TUBB4A: variants seen among roughly 807,000 people sequenced by gnomAD.
TUBB4A encodes the protein tubulin beta 4A class IVa.
A neutral mutation model predicts 35.1 loss-of-function variants in TUBB4A; 13 were observed. That is an observed-to-expected ratio of 0.37 (90% CI 0.24 to 0.59). The LOEUF (loss-of-function observed/expected upper bound fraction) is 0.59, where lower values mean the gene tolerates loss of function less well. Among genes scored for constraint, TUBB4A ranks in the 20% least tolerant of loss-of-function variants. The pLI, the probability that TUBB4A is intolerant of heterozygous loss-of-function variation, is 0.71. For missense variants in TUBB4A, 299 were observed against 647.2 expected, an observed-to-expected ratio of 0.46 and a Z score of 5.84; for synonymous variants, 279 against 272.4, an observed-to-expected ratio of 1.02 and a Z score of -0.24.
intron 3 of TUBB4A, among the ~76,000 whole-genome samples, chr19:6,499,949 G>A (rs571352159): frequency 4.6e-5 from 7 of 152,080 alleles, no homozygotes; most frequent in African/African-American, 1.7e-4. Flanking sequence ...GTGCCACCAT[G>A]CCTGGCTAAT....
chr19:6,502,493 G>T, upstream of TUBB4A: 2 of 431,784 alleles, frequency 4.6e-6, no homozygotes, highest in Non-Finnish European at 8.2e-6. Context: ...CACGTGCTCC[G>T]ACCCCTGCCT....
intron 3 of TUBB4A, among the ~76,000 whole-genome samples, chr19:6,500,331 A>T (rs1044361368): frequency 6.6e-6 from 1 of 151,664 alleles, no homozygotes; most frequent in Non-Finnish European, 1.5e-5. Flanking sequence ...ACAGGGTCTC[A>T]CCATGGTGCC....
In TUBB4A at chr19:6,501,603, G is replaced by C. The variant is rs1334595505; in HGVS notation, c.78C>G (p.Asp26Glu). ...IGAKFWEVIS[D>E]EHGIDPTGTY... ...TGCCTGTGGGGTCGATGCCATGTTCGTCACTGATAACCTCCCAAAACTAGA... is the reference window on the plus strand; with the variant it reads ...TGCCTGTGGGGTCGATGCCATGTTCCTCACTGATAACCTCCCAAAACTAGA... Residue 26 changes from aspartate (D) to glutamate (E), a missense_variant, in exon 2 of 4, where the codon GAC becomes GAG. Around this residue, in one of 5 missense-constraint regions of TUBB4A, gnomAD observed 123 missense variants for 226.0 expected, o/e 0.54. Coordinates refer to ENST00000264071, the MANE Select transcript of TUBB4A (RefSeq NM_006087.4). This position sits in a 1 kb window ranked among gnomAD's most constrained non-coding sequence, Gnocchi z 4.2. The C allele has an allele frequency of 6.2e-7, 1 of 1,613,964 alleles. No homozygotes were observed. The highest frequency in any genetic ancestry group is 1.1e-5 in the South Asian group (1 of 91,074).
intron 3 of TUBB4A, chr19:6,496,486 C>T (rs1392742554): frequency 2.9e-6 from 1 of 341,274 alleles, no homozygotes; most frequent in South Asian, 3.6e-5. Flanking sequence ...AAAAAATTAG[C>T]CGGGAGTGGT....
chr19:6,495,861 C>T lies in TUBB4A; in HGVS notation c.638G>A (p.Arg213His), dbSNP rs1482328713. The change falls in exon 4 of 4, where the codon CGC becomes CAC. Residue 213 changes from arginine (R) to histidine (H), a missense_variant. Around this residue, in one of 5 missense-constraint regions of TUBB4A, gnomAD observed 51 missense variants for 100.3 expected, o/e 0.51. Coordinates refer to ENST00000264071, the MANE Select transcript of TUBB4A (RefSeq NM_006087.4). This position sits in a 1 kb window ranked among gnomAD's most constrained non-coding sequence, Gnocchi z 8.7. ...DNEALYDICF[R>H]TLKLTTPTYG... ...GGTGGGGGTGGTCAGCTTGAGGGTGCGGAAACAGATGTCGTAGAGTGCCTC... is the reference window on the plus strand; with the variant it reads ...GGTGGGGGTGGTCAGCTTGAGGGTGTGGAAACAGATGTCGTAGAGTGCCTC... 2 of 1,614,170 alleles carry T rather than the reference C, an allele frequency of 1.2e-6. No homozygotes were observed. The highest frequency in any genetic ancestry group is 2.2e-5 in the South Asian group (2 of 91,080).
intron 3 of TUBB4A, chr19:6,500,745 GAA>G (rs113460662): frequency 1.7e-4 from 21 of 126,238 alleles, no homozygotes; most frequent in Non-Finnish European, 2.7e-4. Flanking sequence ...GACCCTGTCT[GAA>G]AAAAAAAAAA....
chr19:6,498,441 G>A (rs562853692), intron 3 of TUBB4A, among the ~76,000 whole-genome samples: 27 of 152,134 alleles, frequency 1.8e-4, no homozygotes, highest in Non-Finnish European at 2.6e-4. Flanking sequence ...GTCAGGTCCC[G>A]TCCCTCCTCT....
Position 6,496,190 on chromosome 19 carries a change from CTT to C in TUBB4A, c.307_308del (p.Lys103GlyfsTer51). The C allele has an allele frequency of 6.2e-7, 1 of 1,613,348 alleles. No individual in the cohort carries two copies. The highest frequency in any genetic ancestry group is 8.5e-7 in the Non-Finnish European group (1 of 1,179,450). On this transcript the variant is annotated frameshift_variant, in exon 4 of 4. Transcript: ENST00000264071. LOFTEE classifies it high-confidence loss of function. ...GQSGAGNNWA[K>X]GHYTEGAELV... The stretch of plus-strand genomic sequence containing the variant: ...GCTCTGCGCCCTCCGTGTAGTGCCC[CTT>C]TGCCCAGTTGTTGCCGGCTCCGGAT...
In TUBB4A at chr19:6,502,097, C is replaced by A; in HGVS notation, c.57+59G>T. 19 of 1,500,064 alleles carry A rather than the reference C, an allele frequency of 1.3e-5. No homozygotes were observed. In the South Asian group the frequency reaches 2.2e-4, roughly 18 times the overall value. 92.9% of individuals were successfully genotyped at this position (1,500,064 alleles called of 1,614,324 possible). A position where few individuals can be genotyped will look rare whatever the true frequency, so the allele number is the denominator to read the frequency against. Reference sequence around the variant, plus strand: ...CCAGGTTGCGGGGTGCTCCGGGGACCGACCCCGCGGTGCTCCCCGGGGCCG... The same window carrying A: ...CCAGGTTGCGGGGTGCTCCGGGGACAGACCCCGCGGTGCTCCCCGGGGCCG... On this transcript the variant is annotated intron_variant, in intron 1 of 3. Transcript: ENST00000264071.
rs1245865430 is a variant in TUBB4A, at chr19:6,494,644, G to A, written c.*520C>T. 5.7e-6 allele frequency: 1 copy of A among 175,352 alleles called. No individual in the cohort carries two copies. The highest frequency in any genetic ancestry group is 1.2e-5 in the Non-Finnish European group (1 of 80,856). The allele number at this position is 175,352 out of a possible 1,614,324, so 10.9% of individuals were successfully genotyped here. ...TAGAAGTAAAATGGGACTCATAGAG[G>A]GTGAAAGAGAAGTTGGAGTCAGAGG... On this transcript the variant is annotated 3_prime_UTR_variant, in exon 4 of 4. Coordinates refer to ENST00000264071, the MANE Select transcript of TUBB4A (RefSeq NM_006087.4).
chr19:6,497,421 C>G (rs991153435), intron 3 of TUBB4A, among the ~76,000 whole-genome samples: 7 of 151,062 alleles, frequency 4.6e-5, no homozygotes, highest in Non-Finnish European at 8.8e-5. Context: ...GCTACCAGAT[C>G]TGGCTAATTT....
At position 6,501,905 on chromosome 19, in the gene TUBB4A, TGGCCCAGCTGTG is replaced by T. The variant is rs923501857; in HGVS notation, c.57+239_57+250del. 7 of 585,578 alleles carry T rather than the reference TGGCCCAGCTGTG, an allele frequency of 1.2e-5. No individual in the cohort carries two copies. Among genetic ancestry groups the T allele is most frequent in the African/African-American group, 5.7e-5 (3 of 53,078 alleles). The allele number at this position is 585,578 out of a possible 1,614,324, so 36.3% of individuals were successfully genotyped here. A position where few individuals can be genotyped will look rare whatever the true frequency, so the allele number is the denominator to read the frequency against. On this transcript the variant is annotated intron_variant, in intron 1 of 3. Transcript: ENST00000264071. The surrounding 1 kb of genome is among the most constrained non-coding windows in gnomAD (Gnocchi z 4.2). ...CTCTTTGTGCGTGAGGAGGGGACAGTGGCCCAGCTGTGGGCCCAGCTGTGACAGGCGGACAGA... is the reference window on the plus strand; with the variant it reads ...CTCTTTGTGCGTGAGGAGGGGACAGTGGCCCAGCTGTGACAGGCGGACAGA...
At position 6,502,300 on chromosome 19, in the gene TUBB4A, G is replaced by T. The variant is rs1261961595; in HGVS notation, c.-88C>A. On this transcript the variant is annotated 5_prime_UTR_variant, in exon 1 of 4. Coordinates refer to ENST00000264071, the MANE Select transcript of TUBB4A (RefSeq NM_006087.4). ...CGAGGGTGGAAGATGCGGCGGAGACGGCGGAGCACGGTCCCTGCGCCCCCG... is the reference window on the plus strand; with the variant it reads ...CGAGGGTGGAAGATGCGGCGGAGACTGCGGAGCACGGTCCCTGCGCCCCCG... 3.6e-6 allele frequency: 5 copies of T among 1,386,218 alleles called. No individual in the cohort carries two copies. Among genetic ancestry groups the T allele is most frequent in the Admixed American group, 2.8e-5 (1 of 35,532 alleles). 85.9% of individuals were successfully genotyped at this position (1,386,218 alleles called of 1,614,324 possible). A position where few individuals can be genotyped will look rare whatever the true frequency, so the allele number is the denominator to read the frequency against.
chr19:6,497,634 G>C (rs1176171693), intron 3 of TUBB4A, among the ~76,000 whole-genome samples: 1 of 151,806 alleles, frequency 6.6e-6, no homozygotes, highest in African/African-American at 2.4e-5. Flanking sequence ...CGGAGGAAAA[G>C]AATCAGTATT....
rs771832851 is a variant in TUBB4A, at chr19:6,501,189, A to G, written c.277+98T>C. On this transcript the variant is annotated intron_variant, in intron 3 of 3. Transcript: ENST00000264071. This position sits in a 1 kb window ranked among gnomAD's most constrained non-coding sequence, Gnocchi z 4.2. ...TGGTGCCTGGTGCCCTGTCCACCCCATCTCTGGTCTGTGGGCCCCGGTGGT... is the reference window on the plus strand; with the variant it reads ...TGGTGCCTGGTGCCCTGTCCACCCCGTCTCTGGTCTGTGGGCCCCGGTGGT... 14 of 994,326 alleles carry G rather than the reference A, an allele frequency of 1.4e-5. No individual in the cohort carries two copies. The highest frequency in any genetic ancestry group is 1.9e-5 in the Non-Finnish European group (13 of 668,024). 61.6% of individuals were successfully genotyped at this position (994,326 alleles called of 1,614,324 possible). A position where few individuals can be genotyped will look rare whatever the true frequency, so the allele number is the denominator to read the frequency against.
Position 6,501,876 on chromosome 19 carries a change from G to A in TUBB4A, c.58-253C>T, listed in dbSNP as rs1246052069. The A allele has an allele frequency of 1.7e-5, 10 of 587,660 alleles. No individual in the cohort carries two copies. The highest frequency in any genetic ancestry group is 6.4e-5 in the Admixed American group (2 of 31,474). The allele number at this position is 587,660 out of a possible 1,614,324, so 36.4% of individuals were successfully genotyped here. On this transcript the variant is annotated intron_variant, in intron 1 of 3. Transcript: ENST00000264071. The surrounding 1 kb of genome is among the most constrained non-coding windows in gnomAD (Gnocchi z 4.2). ...CAGGCTGCAGCCCGGGGGAGGCACCGGGGCTCTTTGTGCGTGAGGAGGGGA... is the reference window on the plus strand; with the variant it reads ...CAGGCTGCAGCCCGGGGGAGGCACCAGGGCTCTTTGTGCGTGAGGAGGGGA...
rs1599404930 is a variant in TUBB4A, at chr19:6,495,000, G to A, written c.*164C>T. On this transcript the variant is annotated 3_prime_UTR_variant, in exon 4 of 4. Transcript: ENST00000264071. ...TAGGGCTCAAAGGGGAGCCAGGGTCGGAGATGAAGTAGCCAGAGGTAAAGC... is the reference window on the plus strand; with the variant it reads ...TAGGGCTCAAAGGGGAGCCAGGGTCAGAGATGAAGTAGCCAGAGGTAAAGC... 3 of 800,544 alleles carry A rather than the reference G, an allele frequency of 3.7e-6. No individual in the cohort carries two copies. The highest frequency in any genetic ancestry group is 5.9e-6 in the Non-Finnish European group (3 of 511,226). The allele number at this position is 800,544 out of a possible 1,614,324, so 49.6% of individuals were successfully genotyped here.
rs769979649 is a variant in TUBB4A, at chr19:6,495,863, G to A, written c.636C>T (p.Phe212=). The A allele has an allele frequency of 6.2e-7, 1 of 1,614,114 alleles. No homozygotes were observed. Among genetic ancestry groups the A allele is most frequent in the East Asian group, 2.2e-5 (1 of 44,902 alleles). ...IDNEALYDIC[F]RTLKLTTPTY... ...TGGGGGTGGTCAGCTTGAGGGTGCG[G>A]AAACAGATGTCGTAGAGTGCCTCGT... Residue 212 remains phenylalanine, a synonymous_variant, in exon 4 of 4, where the codon TTC becomes TTT. Coordinates refer to ENST00000264071, the MANE Select transcript of TUBB4A (RefSeq NM_006087.4). The surrounding 1 kb of genome is among the most constrained non-coding windows in gnomAD (Gnocchi z 8.7).
chr19:6,501,062 C>T lies in TUBB4A; in HGVS notation c.277+225G>A, dbSNP rs1464719757. ...TTCAGACCGTTGAATTAAAATGCCA[C>T]CTCCTCCAGGAAGACTTCCCTGAAT... is the stretch of plus-strand genomic sequence containing the variant. On this transcript the variant is annotated intron_variant, in intron 3 of 3. Coordinates refer to ENST00000264071, the MANE Select transcript of TUBB4A (RefSeq NM_006087.4). This position sits in a 1 kb window ranked among gnomAD's most constrained non-coding sequence, Gnocchi z 4.2. 1 of 519,782 alleles carries T rather than the reference C, an allele frequency of 1.9e-6. No homozygotes were observed. The highest frequency in any genetic ancestry group is 3.4e-6 in the Non-Finnish European group (1 of 293,912). The allele number at this position is 519,782 out of a possible 1,614,324, so 32.2% of individuals were successfully genotyped here.
Sources: gnomAD v4.1 joint callset for allele counts (sites outside exome capture counted in the v4.1 genomes callset) on GRCh38, gnomAD v4.1.1 for gene constraint, gnomAD v4.1.1 regional missense constraint, Gnocchi (gnomAD v3.1) non-coding constraint, MANE v1.5 for transcripts, NCBI Gene and HGNC (gene_info 2026-07-23, HGNC 2026-07-21) for gene names.